SCUBE1: variants seen among roughly 807,000 people sequenced by gnomAD.
SCUBE1 encodes signal peptide, CUB and EGF-like domain-containing protein 1.
In SCUBE1, 59 loss-of-function variants were observed where a neutral mutation model predicts 124.4. That is an observed-to-expected ratio of 0.47 (90% CI 0.38 to 0.59). The LOEUF is 0.59. Among genes scored for constraint, SCUBE1 ranks in the 20% least tolerant of loss-of-function variants. The probability of loss-of-function intolerance (pLI) is 0.00; values close to 1 mark genes in which losing one functional copy is unlikely to be tolerated. For synonymous variants in SCUBE1, 545 were observed against 550.9 expected, an observed-to-expected ratio of 0.99 and a Z score of 0.15; for missense variants, 1,150 against 1,371.2, an observed-to-expected ratio of 0.84 and a Z score of 2.55.
chr22:43,214,047 G>GGGGGGGGCCCCCCCC, intron 16 of SCUBE1, 43 bp downstream of exon 16: 1 of 143,440 alleles, frequency 7.0e-6, no homozygotes, highest in Non-Finnish European at 1.3e-5. Flanking sequence ...AGGAGCCCCC[G>GGGGGGGGCCCCCCCC]CCCACCCCCC....
At chr22:43,248,104 G>T (rs933895620) in intron 6 of SCUBE1, among the ~76,000 whole-genome samples, 1 of 152,256 alleles carries the variant, frequency 6.6e-6, no homozygotes, top group Non-Finnish European at 1.5e-5. Flanking sequence ...GAGACAGGGA[G>T]GCTGGGCCAG....
At chr22:43,320,800 C>T (rs369704483) in intron 2 of SCUBE1, among the ~76,000 whole-genome samples, 62 of 152,338 alleles carry the variant, frequency 4.1e-4, no homozygotes, top group African/African-American at 1.5e-3. Context: ...GAGGCTAAAA[C>T]CTTGTGGAAG....
chr22:43,258,027 G>T lies in SCUBE1; in HGVS notation c.727+192C>A, dbSNP rs1569508704. 6.6e-6 allele frequency among the ~76,000 whole-genome samples: 1 copy of T among 151,546 alleles called. No homozygotes were observed. Among genetic ancestry groups the T allele is most frequent in the Non-Finnish European group, 1.5e-5 (1 of 68,022 alleles). The stretch of plus-strand genomic sequence containing the variant: ...GTCTTGGGGGGCTGCAGGCCCCAGA[G>T]AAGCCTCCCCAGAAAGCCTCCCCAG... On this transcript the variant is annotated intron_variant, in intron 6 of 21. Transcript: ENST00000360835. The surrounding 1 kb of genome is among the most constrained non-coding windows in gnomAD (Gnocchi z 5.0).
intron 10 of SCUBE1, among the ~76,000 whole-genome samples, chr22:43,224,812 G>A (rs1362852775): frequency 6.6e-6 from 1 of 152,166 alleles, no homozygotes; most frequent in African/African-American, 2.4e-5. Context: ...TGAAAGTGAT[G>A]ATCATGGGCT....
Position 43,295,753 on chromosome 22 carries a change from C to T in SCUBE1, c.350-4573G>A, listed in dbSNP as rs188047016. Reference sequence around the variant, plus strand: ...TCTTGCCTTCTGAATCCACCTGAAACGCCTCTGTTCATTCACTCACTCCGT... The same window carrying T: ...TCTTGCCTTCTGAATCCACCTGAAATGCCTCTGTTCATTCACTCACTCCGT... On this transcript the variant is annotated intron_variant, in intron 3 of 21. Coordinates refer to ENST00000360835, the MANE Select transcript of SCUBE1 (RefSeq NM_173050.5). Among the ~76,000 whole-genome samples, 252 of 152,370 alleles carry T rather than the reference C, an allele frequency of 1.7e-3. 2 individuals carry two copies. Among genetic ancestry groups the T allele is most frequent in the African/African-American group, 5.5e-3 (230 of 41,586 alleles).
At chr22:43,225,294 G>T (rs923298797) in intron 10 of SCUBE1, among the ~76,000 whole-genome samples, 2 of 151,964 alleles carry the variant, frequency 1.3e-5, no homozygotes, top group Admixed American at 6.6e-5. Flanking sequence ...GTAAAGCCAC[G>T]TCTAGAGCTA....
At chr22:43,325,144 C>A (rs1241845860) in intron 2 of SCUBE1, among the ~76,000 whole-genome samples, 1 of 151,820 alleles carries the variant, frequency 6.6e-6, no homozygotes, top group Non-Finnish European at 1.5e-5. Flanking sequence ...GCTGCTGTCA[C>A]ACAGAAGAGG....
At chr22:43,309,685 A>G (rs2146773223) in intron 3 of SCUBE1, among the ~76,000 whole-genome samples, 1 of 152,190 alleles carries the variant, frequency 6.6e-6, no homozygotes, top group Non-Finnish European at 1.5e-5. Flanking sequence ...CAGACACCTG[A>G]GTCCTGTACC....
intron 7 of SCUBE1, among the ~76,000 whole-genome samples, chr22:43,237,072 C>G (rs1428428171): frequency 6.6e-6 from 1 of 150,738 alleles, no homozygotes; most frequent in Non-Finnish European, 1.5e-5. Flanking sequence ...TGAAAGGGCC[C>G]CGACCGCTTG....
At chr22:43,259,514 G>GT (rs1478329619) in intron 5 of SCUBE1, among the ~76,000 whole-genome samples, 1 of 152,202 alleles carries the variant, frequency 6.6e-6, no homozygotes, top group Non-Finnish European at 1.5e-5. Flanking sequence ...AAGTCAACTG[G>GT]TGGCAACTCC....
chr22:43,255,383 G>C lies in SCUBE1; in HGVS notation c.727+2836C>G, dbSNP rs1006226906. On this transcript the variant is annotated intron_variant, in intron 6 of 21. Transcript: ENST00000360835. This position sits in a 1 kb window ranked among gnomAD's most constrained non-coding sequence, Gnocchi z 4.7. Reference sequence around the variant, plus strand: ...CACGCACACGTCACACCCACACACAGCACACACACGCCCATGTCCACATGC... The same window carrying C: ...CACGCACACGTCACACCCACACACACCACACACACGCCCATGTCCACATGC... 1 of 979,302 alleles carries C rather than the reference G, an allele frequency of 1.0e-6. No homozygotes were observed. The highest frequency in any genetic ancestry group is 1.6e-5 in the African/African-American group (1 of 62,284). The allele number at this position is 979,302 out of a possible 1,614,324, so 60.7% of individuals were successfully genotyped here.
intron 14 of SCUBE1, 38 bp from the exon 15 acceptor site, chr22:43,218,496 A>T: frequency 1.3e-6 from 2 of 1,596,306 alleles, no homozygotes; most frequent in Non-Finnish European, 1.7e-6. Flanking sequence ...AATCGCTGGC[A>T]ACCTTGCTAG....
Position 43,210,873 on chromosome 22 carries a change from C to T in SCUBE1, c.2383+49G>A, listed in dbSNP as rs1569495668. 1 of 1,608,730 alleles carries T rather than the reference C, an allele frequency of 6.2e-7. No individual in the cohort carries two copies. Among genetic ancestry groups the T allele is most frequent in the Non-Finnish European group, 8.5e-7 (1 of 1,176,282 alleles). On this transcript the variant is annotated intron_variant, in intron 18 of 21. Transcript: ENST00000360835. This position sits in a 1 kb window ranked among gnomAD's most constrained non-coding sequence, Gnocchi z 4.5. ...TCTCCTCCCGCCCCCACAACCTGCC[C>T]AGCCCCTCCCGTGTTCCCAGCTTCC... is the stretch of plus-strand genomic sequence containing the variant.
At chr22:43,305,074 G>C (rs5751477) in intron 3 of SCUBE1, among the ~76,000 whole-genome samples, 1 of 152,172 alleles carries the variant, frequency 6.6e-6, no homozygotes, top group South Asian at 2.1e-4. Flanking sequence ...GCACTGTCCC[G>C]GGCTTTCATT....
chr22:43,319,234 A>G (rs1260924917), intron 3 of SCUBE1, among the ~76,000 whole-genome samples: 1 of 152,160 alleles, frequency 6.6e-6, no homozygotes, highest in Non-Finnish European at 1.5e-5. Context: ...CCCTACTCCA[A>G]TATGACTGTG....
At chr22:43,239,268 C>T (rs570200771) in intron 6 of SCUBE1, among the ~76,000 whole-genome samples, 2 of 152,362 alleles carry the variant, frequency 1.3e-5, no homozygotes, top group South Asian at 4.1e-4. Context: ...CTATCTGGGG[C>T]CAGACTGGCC....
chr22:43,199,073 G>A lies in SCUBE1; in HGVS notation c.*4924C>T, dbSNP rs1481565970. The A allele has an allele frequency of 5.9e-6, 2 of 339,084 alleles. No homozygotes were observed. The highest frequency in any genetic ancestry group is 1.1e-5 in the Non-Finnish European group (2 of 174,436). 21.0% of individuals were successfully genotyped at this position (339,084 alleles called of 1,614,324 possible). ...GTGTCTGTTTGTCTGTCTGCTGTCC[G>A]GGGCAGTTTGTTTGTCTGTCTGCTG... On this transcript the variant is annotated 3_prime_UTR_variant, in exon 22 of 22. Transcript: ENST00000360835.
At chr22:43,230,967 A>G (rs1922527506) in intron 8 of SCUBE1, among the ~76,000 whole-genome samples, 1 of 152,028 alleles carries the variant, frequency 6.6e-6, no homozygotes, top group South Asian at 2.1e-4. Context: ...TGGGCAAAAA[A>G]CCACCAGAGC....
At position 43,211,821 on chromosome 22, in the gene SCUBE1, GCTT is replaced by G. The variant is rs1458347036; in HGVS notation, c.2221+601_2221+603del. Among the ~76,000 whole-genome samples, 1 of 152,162 alleles carries G rather than the reference GCTT, an allele frequency of 6.6e-6. No homozygotes were observed. The highest frequency in any genetic ancestry group is 2.4e-5 in the African/African-American group (1 of 41,434). On this transcript the variant is annotated intron_variant, in intron 17 of 21. Coordinates refer to ENST00000360835, the MANE Select transcript of SCUBE1 (RefSeq NM_173050.5). This position sits in a 1 kb window ranked among gnomAD's most constrained non-coding sequence, Gnocchi z 4.5. ...TTATAGGTGTGTGCCACCGCACCTG[GCTT>G]CTTTTTTTAAATGGGCAAATTCAGA...
Sources: allele counts gnomAD v4.1 joint callset (sites outside exome capture counted in the v4.1 genomes callset), GRCh38; gene constraint gnomAD v4.1.1; non-coding constraint Gnocchi (gnomAD v3.1); transcripts MANE v1.5; gene names NCBI Gene and HGNC (gene_info 2026-07-23, HGNC 2026-07-21).